Variants in TCN1 observed in about 807,000 individuals in gnomAD.
TCN1 encodes the protein transcobalamin 1.
In TCN1, 47 loss-of-function variants were observed where a neutral mutation model predicts 46.3. That is an observed-to-expected ratio of 1.01 (90% CI 0.80 to 1.29). TCN1 has a LOEUF of 1.29. Ranked by LOEUF, TCN1 falls within the 50% of genes most tolerant of loss-of-function variation. The probability of loss-of-function intolerance (pLI) is 0.00; values close to 1 mark genes in which losing one functional copy is unlikely to be tolerated. For missense variants in TCN1, 532 were observed against 511.0 expected, an observed-to-expected ratio of 1.04 and a Z score of -0.40; for synonymous variants, 183 against 192.5, an observed-to-expected ratio of 0.95 and a Z score of 0.41.
chr11:59,862,516 A>C (rs1277356321), intron 3 of TCN1, 66 bp downstream of exon 3: 3 of 1,579,960 alleles, frequency 1.9e-6, no homozygotes, highest in Non-Finnish European at 2.6e-6. Context: ...GGGAAACTTC[A>C]TATAGTTTTG....
At chr11:59,866,058 C>T (rs1565215750) in intron 1 of TCN1, among the ~76,000 whole-genome samples, 1 of 152,146 alleles carries the variant, frequency 6.6e-6, no homozygotes, top group Admixed American at 6.6e-5. Flanking sequence ...GATAACTTTC[C>T]ATGATCTAGA....
At chr11:59,864,142 G>A (rs1328206314) in intron 1 of TCN1, 56 bp from the exon 2 acceptor site, 1 of 1,568,646 alleles carries the variant, frequency 6.4e-7, no homozygotes, top group African/African-American at 1.4e-5. Context: ...AGTAAGACTT[G>A]CAGCAGGGGT....
chr11:59,855,839 G>A (rs1339881962), intron 6 of TCN1, 30 bp downstream of exon 6: 6 of 1,612,556 alleles, frequency 3.7e-6, no homozygotes, highest in Middle Eastern at 1.6e-4. Flanking sequence ...GGTGAAAAGC[G>A]AAACAGTGTG....
At chr11:59,853,611 G>C (rs77529726) in intron 7 of TCN1, among the ~76,000 whole-genome samples, 7,616 of 152,136 alleles carry the variant, frequency 0.05, 576 homozygotes, top group African/African-American at 0.16. Flanking sequence ...ATGGTAGATA[G>C]GTTTCAGATA....
chr11:59,860,387 C>T (rs180897440), intron 4 of TCN1, among the ~76,000 whole-genome samples: 1 of 151,850 alleles, frequency 6.6e-6, no homozygotes, highest in Non-Finnish European at 1.5e-5. Flanking sequence ...CCTCGGCCTC[C>T]CAAAGTGCTG....
chr11:59,863,556 G>C (rs1325628039), intron 2 of TCN1, among the ~76,000 whole-genome samples: 1 of 152,082 alleles, frequency 6.6e-6, no homozygotes, highest in African/African-American at 2.4e-5. Flanking sequence ...TCAAATCTGG[G>C]TTGTTCCATG....
Position 59,853,258 on chromosome 11 carries a change from G to T in TCN1, c.1185C>A (p.Asn395Lys). Residue 395 changes from asparagine to lysine, a missense_variant, in exon 8 of 9, where the codon AAC (asparagine) becomes AAA (lysine). Asn to Lys is a moderately conservative substitution (Grantham distance 94). Coordinates refer to ENST00000257264, the MANE Select transcript of TCN1 (RefSeq NM_001062.4). ...YITCIQGLCA[N>K]NNDRTYWELL... is the part of the protein sequence containing the mutation. ...GTTCCCAGTAGGTTCTGTCATTATTGTTGGCACATAGGCCCTGAATACAGG... is the reference window on the plus strand; with the variant it reads ...GTTCCCAGTAGGTTCTGTCATTATTTTTGGCACATAGGCCCTGAATACAGG... 6.2e-7 allele frequency: 1 copy of T among 1,614,030 alleles called. No individual in the cohort carries two copies. Among genetic ancestry groups the T allele is most frequent in the Non-Finnish European group, 8.5e-7 (1 of 1,180,004 alleles).
rs553873021 is a variant in TCN1 at position 59,861,297 on chromosome 11, A to G, written c.556+230T>C. Among the ~76,000 whole-genome samples the G allele has an allele frequency of 9.8e-5, 15 of 152,326 alleles. No individual in the cohort carries two copies. The South Asian group carries it at 2.9e-3, about 29-fold the overall frequency. ...TAACATTCATTGTTTATATAACCCA[A>G]AGAAGAGCTGGAGCAGAAACCGGGT... On this transcript the variant is annotated intron_variant, in intron 4 of 8. Transcript: ENST00000257264.
At chr11:59,861,705 C>A (rs75512898) in intron 3 of TCN1, 23 bp from the exon 4 acceptor site, 1 of 1,612,766 alleles carries the variant, frequency 6.2e-7, no homozygotes, top group East Asian at 2.2e-5. Flanking sequence ...AGAAATACCT[C>A]CCTTAATCAT....
In TCN1 at chr11:59,852,828, C is replaced by A; in HGVS notation, c.*147G>T. On this transcript the variant is annotated 3_prime_UTR_variant, in exon 9 of 9. Transcript: ENST00000257264. ...TTTTGTATAGTTGTTAATCTTTCAA[C>A]AACTTTTATTGAACATGTAGAGAGA... The A allele has an allele frequency of 1.3e-6, 1 of 786,904 alleles. No homozygotes were observed. 48.7% of individuals were successfully genotyped at this position (786,904 alleles called of 1,614,324 possible). A position where few individuals can be genotyped will look rare whatever the true frequency, so the allele number is the denominator to read the frequency against.
At chr11:59,863,674 G>A (rs1853041621) in intron 2 of TCN1, among the ~76,000 whole-genome samples, 1 of 152,098 alleles carries the variant, frequency 6.6e-6, no homozygotes, top group Non-Finnish European at 1.5e-5. Context: ...CATAGCTTTT[G>A]TTTGTGGCTT....
intron 1 of TCN1, 151 bp from the exon 2 acceptor site, chr11:59,864,237 G>A: frequency 1.1e-6 from 1 of 901,218 alleles, no homozygotes; most frequent in Non-Finnish European, 1.7e-6. Context: ...TAATACAAAG[G>A]TGGGTCTTGA....
At position 59,854,841 on chromosome 11, in the gene TCN1, A is replaced by G; in HGVS notation, c.938-6T>C. On this transcript the variant is annotated splice_polypyrimidine_tract_variant and splice_region_variant and intron_variant, in intron 6 of 8. Coordinates refer to ENST00000257264, the MANE Select transcript of TCN1 (RefSeq NM_001062.4). Reference sequence around the variant, plus strand: ...AGCGGAGATGTTGAAGTTACCTGGCAGAGACAGAAAAGCCCAGAGCAATAT... The same window carrying G: ...AGCGGAGATGTTGAAGTTACCTGGCGGAGACAGAAAAGCCCAGAGCAATAT... The G allele has an allele frequency of 6.2e-7, 1 of 1,613,936 alleles. No individual in the cohort carries two copies. Among genetic ancestry groups the G allele is most frequent in the Non-Finnish European group, 8.5e-7 (1 of 1,179,834 alleles).
At chr11:59,858,982 CAACAA>C in intron 5 of TCN1, 90 bp downstream of exon 5, 1 of 1,416,222 alleles carries the variant, frequency 7.1e-7, no homozygotes, top group African/African-American at 1.4e-5. Flanking sequence ...CCAGCCTGGG[CAACAA>C]GAGCGAAGCT....
intron 6 of TCN1, 67 bp downstream of exon 6, chr11:59,855,802 C>G (rs1344634614): frequency 6.3e-7 from 1 of 1,580,004 alleles, no homozygotes; most frequent in East Asian, 2.2e-5. Context: ...CAAAGGACAC[C>G]TGAATCTCAC....
intron 5 of TCN1, 103 bp downstream of exon 5, chr11:59,858,974 A>C: frequency 7.4e-7 from 1 of 1,359,586 alleles, no homozygotes; most frequent in East Asian, 2.3e-5. Flanking sequence ...TTGCAACTCC[A>C]GCCTGGGCAA....
chr11:59,861,799 T>C, intron 3 of TCN1, 117 bp from the exon 4 acceptor site: 1 of 1,223,340 alleles, frequency 8.2e-7, no homozygotes, highest in East Asian at 2.5e-5. Flanking sequence ...AGGTGGCTAA[T>C]AGAAGGGGGA....
chr11:59,864,016 CCT>C lies in TCN1; in HGVS notation c.148_149del (p.Arg50GlyfsTer57). 1.2e-6 allele frequency: 2 copies of C among 1,613,884 alleles called. No individual in the cohort carries two copies. The highest frequency in any genetic ancestry group is 1.7e-6 in the Non-Finnish European group (2 of 1,179,844). ...ACACAACATTGACAGCGCTGGTTCC[CCT>C]GTTATAGTTTGACTGGATCATTGTA... ...LNTMIQSNYN[R>X]GTSAVNVVLS... On this transcript the variant is annotated frameshift_variant, in exon 2 of 9. Coordinates refer to ENST00000257264, the MANE Select transcript of TCN1 (RefSeq NM_001062.4). LOFTEE classifies it high-confidence loss of function.
In TCN1 at chr11:59,856,070, GGGTGGGGT is replaced by G; in HGVS notation, c.748-20_748-13del. 8 of 1,512,486 alleles carry G rather than the reference GGGTGGGGT, an allele frequency of 5.3e-6. No homozygotes were observed. The highest frequency in any genetic ancestry group is 7.3e-6 in the Non-Finnish European group (8 of 1,091,418). The allele number at this position is 1,512,486 out of a possible 1,614,324, so 93.7% of individuals were successfully genotyped here. A position where few individuals can be genotyped will look rare whatever the true frequency, so the allele number is the denominator to read the frequency against. On this transcript the variant is annotated splice_polypyrimidine_tract_variant and intron_variant, in intron 5 of 8. Transcript: ENST00000257264. The stretch of plus-strand genomic sequence containing the variant: ...GATACAAAGAGGGCCTAATGAGGCA[GGGTGGGGT>G]GGGGGGGTGATGAGAGATAAAGAGA...
Sources: gnomAD v4.1 joint callset for allele counts (sites outside exome capture counted in the v4.1 genomes callset) on GRCh38, gnomAD v4.1.1 for gene constraint, MANE v1.5 for transcripts, NCBI Gene and HGNC (gene_info 2026-07-23, HGNC 2026-07-21) for gene names.